Variants in MTDH observed in about 807,000 individuals in gnomAD.
MTDH encodes metadherin.
A neutral mutation model predicts 72.7 loss-of-function variants in MTDH; 34 were observed. The ratio of observed to expected loss-of-function variants is 0.47; its 90% CI spans 0.36 to 0.62. The LOEUF is 0.62. Ranked by LOEUF, MTDH falls within the 20% of genes least tolerant of loss-of-function variation. MTDH has a pLI of 0.00. For missense variants in MTDH, 677 were observed against 699.4 expected, an observed-to-expected ratio of 0.97 and a Z score of 0.36; for synonymous variants, 266 against 268.9, an observed-to-expected ratio of 0.99 and a Z score of 0.10.
chr8:97,675,559 CA>C (rs869166884), intron 2 of MTDH, among the ~76,000 whole-genome samples: 4,810 of 50,972 alleles, frequency 0.094, 212 homozygotes, highest in African/African-American at 0.24. Context: ...GACTCTGTCT[CA>C]AAAAAAAAAA....
In MTDH at chr8:97,687,577, A is replaced by G. The variant is rs761988381; in HGVS notation, c.717A>G (p.Ser239=). The change falls in exon 4 of 12, where the codon TCA becomes TCG. Residue 239 remains serine, a synonymous_variant. Transcript: ENST00000336273. Reference sequence around the variant, plus strand: ...CCACCGAGCAACTTACAACCGCATCATTTCCTGTTGGTTCCAAGAAGAATA... The same window carrying G: ...CCACCGAGCAACTTACAACCGCATCGTTTCCTGTTGGTTCCAAGAAGAATA... ...TVTTEQLTTA[S]FPVGSKKNKG... 1 of 1,610,138 alleles carries G rather than the reference A, an allele frequency of 6.2e-7. No individual in the cohort carries two copies. The highest frequency in any genetic ancestry group is 8.5e-7 in the Non-Finnish European group (1 of 1,178,518).
chr8:97,722,667 A>G (rs1036457778), intron 10 of MTDH, among the ~76,000 whole-genome samples: 3 of 152,224 alleles, frequency 2.0e-5, no homozygotes, highest in Non-Finnish European at 4.4e-5. Context: ...ATAATTTCAT[A>G]CCTTCATTTT....
intron 1 of MTDH, among the ~76,000 whole-genome samples, chr8:97,656,484 G>A (rs111752139): frequency 0.035 from 5,362 of 151,222 alleles, 321 homozygotes; most frequent in African/African-American, 0.12. Flanking sequence ...TGTATTTTTA[G>A]TAGAGACGGG....
At chr8:97,652,996 A>G (rs1349123016) in intron 1 of MTDH, among the ~76,000 whole-genome samples, 1 of 151,916 alleles carries the variant, frequency 6.6e-6, no homozygotes, top group Non-Finnish European at 1.5e-5. Flanking sequence ...GCGTGCACCT[A>G]TAGTCCCAGC....
intron 10 of MTDH, among the ~76,000 whole-genome samples, chr8:97,719,823 T>C (rs1815035148): frequency 6.6e-6 from 1 of 152,224 alleles, no homozygotes; most frequent in Admixed American, 6.5e-5. Context: ...GTACATAATA[T>C]GACTATGGTT....
chr8:97,665,801 T>C (rs960395925), intron 2 of MTDH, among the ~76,000 whole-genome samples: 1 of 152,124 alleles, frequency 6.6e-6, no homozygotes, highest in Non-Finnish European at 1.5e-5. Context: ...GCAGCAACAT[T>C]GATGATTAAT....
intron 2 of MTDH, among the ~76,000 whole-genome samples, chr8:97,668,601 C>G (rs958781777): frequency 6.6e-6 from 1 of 152,050 alleles, no homozygotes; most frequent in Non-Finnish European, 1.5e-5. Context: ...GTCACCCAGG[C>G]TGGAGTGCAA....
At chr8:97,649,073 T>C (rs1811669364) in intron 1 of MTDH, among the ~76,000 whole-genome samples, 1 of 152,218 alleles carries the variant, frequency 6.6e-6, no homozygotes, top group South Asian at 2.1e-4. Flanking sequence ...ACCATTGTGT[T>C]ACAGTTGCCA....
chr8:97,724,708 C>G lies in MTDH; in HGVS notation c.*38C>G, dbSNP rs1815290131. 1 of 1,459,576 alleles carries G rather than the reference C, an allele frequency of 6.9e-7. No individual in the cohort carries two copies. The highest frequency in any genetic ancestry group is 9.3e-7 in the Non-Finnish European group (1 of 1,070,900). The allele number at this position is 1,459,576 out of a possible 1,614,324, so 90.4% of individuals were successfully genotyped here. A position where few individuals can be genotyped will look rare whatever the true frequency, so the allele number is the denominator to read the frequency against. On this transcript the variant is annotated 3_prime_UTR_variant, in exon 12 of 12. Coordinates refer to ENST00000336273, the MANE Select transcript of MTDH (RefSeq NM_178812.4). ...TGAATTGGACATGTGTTTGCAAACA[C>G]TTGTCTTGAAGATTATGCTGTTTAT...
chr8:97,655,599 A>AG (rs1811940049), intron 1 of MTDH, among the ~76,000 whole-genome samples: 1 of 152,222 alleles, frequency 6.6e-6, no homozygotes, highest in Non-Finnish European at 1.5e-5. Flanking sequence ...ATATAAAAAA[A>AG]TGGCCCAAAT....
chr8:97,649,898 C>G (rs1298798688), intron 1 of MTDH, among the ~76,000 whole-genome samples: 1 of 152,006 alleles, frequency 6.6e-6, no homozygotes, highest in African/African-American at 2.4e-5. Context: ...GCCACTGCCC[C>G]CGGCCATTAT....
intron 9 of MTDH, among the ~76,000 whole-genome samples, chr8:97,715,328 A>G (rs969119916): frequency 2.0e-5 from 3 of 151,264 alleles, no homozygotes; most frequent in South Asian, 2.1e-4. Flanking sequence ...GGATTTCACC[A>G]TGTTGGCCAG....
chr8:97,707,639 A>G (rs1457397940), intron 8 of MTDH, among the ~76,000 whole-genome samples: 1 of 151,944 alleles, frequency 6.6e-6, no homozygotes, highest in Non-Finnish European at 1.5e-5. Context: ...GCCATAGATG[A>G]TATGGAAATG....
At chr8:97,667,829 A>AT (rs1227239374) in intron 2 of MTDH, among the ~76,000 whole-genome samples, 1 of 125,008 alleles carries the variant, frequency 8.0e-6, no homozygotes, top group Non-Finnish European at 1.7e-5. Context: ...CTGTCTCTAT[A>AT]TTAAAAAAAA....
intron 9 of MTDH, among the ~76,000 whole-genome samples, chr8:97,718,179 A>C (rs917358169): frequency 2.0e-5 from 3 of 152,074 alleles, no homozygotes; most frequent in Non-Finnish European, 4.4e-5. Flanking sequence ...AATAGCTGGG[A>C]TTACAGGCGT....
At chr8:97,692,258 A>G (rs543413904) in intron 6 of MTDH, among the ~76,000 whole-genome samples, 2 of 152,322 alleles carry the variant, frequency 1.3e-5, no homozygotes, top group Admixed American at 6.5e-5. Context: ...CCTAGTCCCC[A>G]CTTAACATTG....
chr8:97,674,539 T>C (rs571201233), intron 2 of MTDH, among the ~76,000 whole-genome samples: 1 of 152,190 alleles, frequency 6.6e-6, no homozygotes, highest in African/African-American at 2.4e-5. Context: ...GTGAGAAAAA[T>C]AAATAGTGCC....
intron 2 of MTDH, among the ~76,000 whole-genome samples, chr8:97,662,396 AAAC>A (rs900572912): frequency 1.3e-5 from 2 of 150,396 alleles, no homozygotes; most frequent in African/African-American, 5.0e-5. Context: ...AGGAAAAAAA[AAAC>A]AAACAAAAAC....
intron 2 of MTDH, among the ~76,000 whole-genome samples, chr8:97,665,812 G>T (rs996192194): frequency 6.6e-6 from 1 of 152,164 alleles, no homozygotes; most frequent in East Asian, 1.9e-4. Flanking sequence ...GATGATTAAT[G>T]AATCAGTTTT....
Sources: allele counts gnomAD v4.1 joint callset (sites outside exome capture counted in the v4.1 genomes callset), GRCh38; gene constraint gnomAD v4.1.1; transcripts MANE v1.5; gene names NCBI Gene and HGNC (gene_info 2026-07-23, HGNC 2026-07-21).